The following PTPN13 variants were observed in gnomAD, a reference collection of about 807,000 sequenced individuals.
PTPN13 encodes the protein protein tyrosine phosphatase non-receptor type 13, also known as tyrosine-protein phosphatase non-receptor type 13.
In PTPN13, 191 loss-of-function variants were observed where a neutral mutation model predicts 284.0. That is an observed-to-expected ratio of 0.67 (90% CI 0.60 to 0.76). PTPN13 has a LOEUF of 0.76. Among genes scored for constraint, PTPN13 ranks in the 30% least tolerant of loss-of-function variants. The pLI, the probability that PTPN13 is intolerant of heterozygous loss-of-function variation, is 0.00. For missense variants in PTPN13, 2,797 were observed against 2,939.9 expected (o/e 0.95, Z 1.12); for synonymous variants, 986 against 1,022.3 (o/e 0.96, Z 0.68).
intron 1 of PTPN13, among the ~76,000 whole-genome samples, chr4:86,605,990 C>T (rs1764706059): frequency 6.6e-6 from 1 of 151,830 alleles, no homozygotes; most frequent in African/African-American, 2.4e-5. Flanking sequence ...GAAATTATTA[C>T]AGTCTATAAT....
chr4:86,746,336 G>A (rs1284911033), intron 17 of PTPN13, among the ~76,000 whole-genome samples: 1 of 152,210 alleles, frequency 6.6e-6, no homozygotes, highest in African/African-American at 2.4e-5. Flanking sequence ...TCAGAAGTAT[G>A]TGATTTAAAA....
At chr4:86,770,476 C>G (rs1739864644) in intron 30 of PTPN13, among the ~76,000 whole-genome samples, 1 of 152,128 alleles carries the variant, frequency 6.6e-6, no homozygotes, top group Non-Finnish European at 1.5e-5. Context: ...TTATGTTGAG[C>G]AGGTCACAAA....
At chr4:86,726,435 T>G (rs1276187666) in intron 10 of PTPN13, among the ~76,000 whole-genome samples, 1 of 149,524 alleles carries the variant, frequency 6.7e-6, no homozygotes. Context: ...ATGATATTGA[T>G]TCCTCCTATC....
At chr4:86,672,164 T>C (rs1042398475) in intron 2 of PTPN13, among the ~76,000 whole-genome samples, 7 of 152,216 alleles carry the variant, frequency 4.6e-5, no homozygotes, top group African/African-American at 1.7e-4. Flanking sequence ...CAAGGCATTG[T>C]TGTTAATAAT....
At chr4:86,668,680 C>G (rs935694077) in intron 2 of PTPN13, among the ~76,000 whole-genome samples, 2 of 151,862 alleles carry the variant, frequency 1.3e-5, no homozygotes, top group African/African-American at 4.8e-5. Flanking sequence ...ACTGCAACCT[C>G]TGCCTCCCAG....
chr4:86,673,848 G>A (rs541073141), intron 3 of PTPN13, among the ~76,000 whole-genome samples: 4 of 152,016 alleles, frequency 2.6e-5, no homozygotes, highest in Admixed American at 1.3e-4. Context: ...GCTGGATTAC[G>A]GGCACATGCC....
chr4:86,806,783 G>A (rs1316382512), intron 44 of PTPN13, among the ~76,000 whole-genome samples: 1 of 152,104 alleles, frequency 6.6e-6, no homozygotes, highest in African/African-American at 2.4e-5. Context: ...TAAATTTATA[G>A]ATATTTGAAA....
At chr4:86,760,431 C>G (rs1218621234) in intron 23 of PTPN13, among the ~76,000 whole-genome samples, 6 of 152,092 alleles carry the variant, frequency 3.9e-5, no homozygotes, top group Non-Finnish European at 5.9e-5. Flanking sequence ...CTGAATAAAG[C>G]TCTAAGGGAT....
chr4:86,758,468 T>TTGTAGGTGGGCAGCCAGTCA, intron 21 of PTPN13, 119 bp downstream of exon 21: 1 of 963,116 alleles, frequency 1.0e-6, no homozygotes, highest in Non-Finnish European at 1.6e-6. Flanking sequence ...ACTGACTGGC[T>TTGTAGGTGGGCAGCCAGTCA]GCCCACCTAC....
intron 1 of PTPN13, among the ~76,000 whole-genome samples, chr4:86,629,726 T>C (rs1722253947): frequency 1.3e-5 from 2 of 152,142 alleles, no homozygotes; most frequent in Admixed American, 6.6e-5. Flanking sequence ...TATTTTTAAA[T>C]GAACATTCTT....
At chr4:86,737,606 C>T (rs1283334454) in intron 15 of PTPN13, among the ~76,000 whole-genome samples, 1 of 151,912 alleles carries the variant, frequency 6.6e-6, no homozygotes, top group Non-Finnish European at 1.5e-5. Flanking sequence ...AGTCCCCTCC[C>T]CCTACCTGTA....
intron 7 of PTPN13, among the ~76,000 whole-genome samples, chr4:86,706,361 A>G (rs755266509): frequency 3.9e-5 from 6 of 152,200 alleles, no homozygotes; most frequent in African/African-American, 1.4e-4. Flanking sequence ...TGGACATTCA[A>G]CTAACTGCCT....
intron 6 of PTPN13, among the ~76,000 whole-genome samples, chr4:86,695,042 A>G (rs1220697255): frequency 6.6e-6 from 1 of 152,188 alleles, no homozygotes; most frequent in Non-Finnish European, 1.5e-5. Context: ...CTCATATCTG[A>G]GAGGAAGGAA....
chr4:86,747,225 G>A (rs1208905861), intron 17 of PTPN13, among the ~76,000 whole-genome samples: 1 of 152,212 alleles, frequency 6.6e-6, no homozygotes, highest in African/African-American at 2.4e-5. Context: ...GAGCCAAATT[G>A]CCAGTGGCAA....
At chr4:86,741,575 A>G (rs936326367) in intron 15 of PTPN13, 59 bp from the exon 16 acceptor site, 4 of 1,460,806 alleles carry the variant, frequency 2.7e-6, no homozygotes, top group East Asian at 4.6e-5. Flanking sequence ...TACAGCTTCA[A>G]TATCTTTATG....
At chr4:86,644,615 G>T (rs113275069) in intron 2 of PTPN13, among the ~76,000 whole-genome samples, 1 of 152,152 alleles carries the variant, frequency 6.6e-6, no homozygotes, top group African/African-American at 2.4e-5. Flanking sequence ...TATGAGGGCA[G>T]CATTACTATG....
intron 40 of PTPN13, among the ~76,000 whole-genome samples, chr4:86,792,818 T>G (rs529551391): frequency 2.0e-5 from 3 of 152,160 alleles, no homozygotes; most frequent in African/African-American, 7.2e-5. Flanking sequence ...CTAACAGATT[T>G]TGTCACCACC....
At chr4:86,600,762 TA>T (rs1764236601) in intron 1 of PTPN13, among the ~76,000 whole-genome samples, 1 of 152,070 alleles carries the variant, frequency 6.6e-6, no homozygotes, top group South Asian at 2.1e-4. Context: ...TTGCTTCTTC[TA>T]AAAAAGTGTA....
At chr4:86,655,389 T>C (rs1368080942) in intron 2 of PTPN13, among the ~76,000 whole-genome samples, 1 of 152,270 alleles carries the variant, frequency 6.6e-6, no homozygotes, top group Admixed American at 6.5e-5. Context: ...CCGGTTGTTC[T>C]TTTCCATGTT....
Sources: gnomAD v4.1 joint callset for allele counts (sites outside exome capture counted in the v4.1 genomes callset) on GRCh38, gnomAD v4.1.1 for gene constraint, MANE v1.5 for transcripts, NCBI Gene and HGNC (gene_info 2026-07-23, HGNC 2026-07-21) for gene names.